The following ACYP2 variants were observed in gnomAD, a reference collection of about 807,000 sequenced individuals.
The protein encoded by ACYP2 is acylphosphatase 2, also known as acylphosphatase-2.
A neutral mutation model predicts 11.2 loss-of-function variants in ACYP2; 12 were observed. The ratio of observed to expected loss-of-function variants is 1.08; its 90% CI spans 0.69 to 1.74. The LOEUF (loss-of-function observed/expected upper bound fraction) is 1.74, where lower values mean the gene tolerates loss of function less well. Ranked by LOEUF, ACYP2 falls within the 40% of genes most tolerant of loss-of-function variation. The probability of loss-of-function intolerance (pLI) is 0.00; values close to 1 mark genes in which losing one functional copy is unlikely to be tolerated. For synonymous variants in ACYP2, 43 were observed against 32.2 expected (o/e 1.33, Z -1.13); for missense variants, 134 against 101.9 (o/e 1.31, Z -1.35).
At chr2:54,024,761 T>G (rs1466829485) in intron 2 of ACYP2, among the ~76,000 whole-genome samples, 1 of 152,084 alleles carries the variant, frequency 6.6e-6, no homozygotes, top group Non-Finnish European at 1.5e-5. Flanking sequence ...GAGAAAGAAA[T>G]CAAGGGCATC....
At chr2:54,127,813 C>A (rs1558551097) in intron 4 of ACYP2, among the ~76,000 whole-genome samples, 1 of 147,562 alleles carries the variant, frequency 6.8e-6, no homozygotes, top group Non-Finnish European at 1.5e-5. Flanking sequence ...CCAATGCAGA[C>A]AAATGACACA....
At chr2:54,233,666 C>T (rs1686342768) in intron 6 of ACYP2, among the ~76,000 whole-genome samples, 1 of 152,078 alleles carries the variant, frequency 6.6e-6, no homozygotes, top group South Asian at 2.1e-4. Context: ...CCTACCCCTG[C>T]TCCACACCTG....
intron 6 of ACYP2, among the ~76,000 whole-genome samples, chr2:54,189,654 C>T (rs1433433003): frequency 6.6e-6 from 1 of 152,068 alleles, no homozygotes; most frequent in African/African-American, 2.4e-5. Context: ...TTGTGAATAA[C>T]GCTGCAATGA....
At chr2:54,121,025 G>GT (rs898480505) in intron 4 of ACYP2, among the ~76,000 whole-genome samples, 1 of 152,154 alleles carries the variant, frequency 6.6e-6, no homozygotes, top group Non-Finnish European at 1.5e-5. Context: ...GCACACAATG[G>GT]TTTTTTCACT....
intron 4 of ACYP2, among the ~76,000 whole-genome samples, chr2:54,117,674 C>T (rs1286933477): frequency 6.6e-6 from 1 of 152,126 alleles, no homozygotes; most frequent in African/African-American, 2.4e-5. Context: ...GTATTTGGTA[C>T]TCTAGAGGTT....
chr2:54,113,662 A>G (rs1173865889), intron 4 of ACYP2, among the ~76,000 whole-genome samples: 2 of 152,178 alleles, frequency 1.3e-5, no homozygotes, highest in Admixed American at 6.5e-5. Flanking sequence ...CTAGGATAAA[A>G]TCTGGTAACC....
chr2:54,051,703 C>A, intron 3 of ACYP2: 1 of 610,582 alleles, frequency 1.6e-6, no homozygotes, highest in Non-Finnish European at 3.0e-6. Context: ...TAAAGGAAAG[C>A]CTGATGCAGC....
intron 2 of ACYP2, among the ~76,000 whole-genome samples, chr2:54,031,460 CT>C (rs985371318): frequency 6.6e-6 from 1 of 152,028 alleles, no homozygotes; most frequent in Non-Finnish European, 1.5e-5. Flanking sequence ...TGAACTCATC[CT>C]TTTTTATGGC....
chr2:54,018,359 A>G (rs891401843), intron 2 of ACYP2, among the ~76,000 whole-genome samples: 3 of 152,336 alleles, frequency 2.0e-5, no homozygotes, highest in Middle Eastern at 6.8e-3. Flanking sequence ...GTATAGTGGG[A>G]AAGAAAACAT....
At chr2:54,088,486 CTCTTA>C (rs1678058448) in intron 4 of ACYP2, among the ~76,000 whole-genome samples, 1 of 152,158 alleles carries the variant, frequency 6.6e-6, no homozygotes. Flanking sequence ...AGCACAAAGC[CTCTTA>C]CTCTGCCCTC....
intron 2 of ACYP2, among the ~76,000 whole-genome samples, chr2:54,025,177 A>G (rs1573546227): frequency 6.6e-6 from 1 of 152,328 alleles, no homozygotes. Flanking sequence ...TGTCAAAAGC[A>G]ATCTACAAAT....
intron 4 of ACYP2, among the ~76,000 whole-genome samples, chr2:54,083,507 G>A (rs1238646609): frequency 6.6e-6 from 1 of 152,156 alleles, no homozygotes; most frequent in Non-Finnish European, 1.5e-5. Context: ...GAGAAATCAA[G>A]GTTCTAAGTT....
intron 2 of ACYP2, among the ~76,000 whole-genome samples, chr2:54,021,581 A>T (rs1420688736): frequency 6.6e-6 from 1 of 152,234 alleles, no homozygotes; most frequent in Non-Finnish European, 1.5e-5. Flanking sequence ...CACTAATTTT[A>T]TTATGAGGTT....
chr2:54,034,254 A>T (rs1392283918), intron 2 of ACYP2, among the ~76,000 whole-genome samples: 1 of 152,200 alleles, frequency 6.6e-6, no homozygotes, highest in African/African-American at 2.4e-5. Context: ...GCTACTCGGG[A>T]GGCTGAGGCA....
At chr2:54,290,169 G>T (rs1005516734) in intron 6 of ACYP2, among the ~76,000 whole-genome samples, 1 of 152,094 alleles carries the variant, frequency 6.6e-6, no homozygotes, top group Non-Finnish European at 1.5e-5. Context: ...GCCGGTGGGT[G>T]CCCGGCTGCC....
At chr2:54,052,468 A>G (rs1387056522) in intron 3 of ACYP2, among the ~76,000 whole-genome samples, 1 of 152,134 alleles carries the variant, frequency 6.6e-6, no homozygotes, top group East Asian at 1.9e-4. Flanking sequence ...CACAAATTAT[A>G]TATAAGTTAT....
chr2:54,049,296 CA>C (rs1275656564), intron 2 of ACYP2, among the ~76,000 whole-genome samples: 1 of 151,984 alleles, frequency 6.6e-6, no homozygotes, highest in Non-Finnish European at 1.5e-5. Context: ...TGACTAGTGC[CA>C]CCCTGATCTT....
At chr2:54,233,577 A>T (rs1019040229) in intron 6 of ACYP2, among the ~76,000 whole-genome samples, 2 of 152,114 alleles carry the variant, frequency 1.3e-5, no homozygotes, top group Admixed American at 1.3e-4. Context: ...AAGTGCTGGG[A>T]TTACAGGTGT....
At chr2:54,060,324 T>C (rs763719332) in intron 4 of ACYP2, among the ~76,000 whole-genome samples, 14 of 152,108 alleles carry the variant, frequency 9.2e-5, no homozygotes, top group Non-Finnish European at 1.5e-4. Context: ...TTCTAATACT[T>C]TTATTGACTT....
Sources: allele counts gnomAD v4.1 joint callset (sites outside exome capture counted in the v4.1 genomes callset), GRCh38; gene constraint gnomAD v4.1.1; transcripts MANE v1.5; gene names NCBI Gene and HGNC (gene_info 2026-07-23, HGNC 2026-07-21).